IQGAP2: variants seen among roughly 807,000 people sequenced by gnomAD.
IQGAP2 encodes the protein ras GTPase-activating-like protein IQGAP2.
Under a neutral mutation model 201.3 loss-of-function variants are expected in IQGAP2, and 173 were observed. The ratio of observed to expected loss-of-function variants is 0.86; its 90% CI spans 0.76 to 0.98. The LOEUF is 0.98. IQGAP2 is among the 50% of genes least tolerant of loss of function. The pLI is 0.00. For synonymous variants in IQGAP2, 675 were observed against 673.9 expected, an observed-to-expected ratio of 1.00 and a Z score of -0.03; for missense variants, 1,687 against 1,864.8, an observed-to-expected ratio of 0.90 and a Z score of 1.76.
chr5:76,471,364 CAAAAAAA>C (rs59781605), intron 2 of IQGAP2, among the ~76,000 whole-genome samples: 1 of 72,534 alleles, frequency 1.4e-5, no homozygotes, highest in East Asian at 3.6e-4. Flanking sequence ...ATAAACTAAG[CAAAAAAA>C]AAAAAAAAAA....
chr5:76,594,976 TA>T (rs769560018), intron 9 of IQGAP2, among the ~76,000 whole-genome samples: 18 of 149,186 alleles, frequency 1.2e-4, no homozygotes, highest in Middle Eastern at 3.2e-3. Flanking sequence ...AAAAAAAATT[TA>T]AAAAAAAAAA....
intron 10 of IQGAP2, among the ~76,000 whole-genome samples, chr5:76,599,573 G>T (rs968828649): frequency 1.3e-5 from 2 of 151,978 alleles, no homozygotes; most frequent in African/African-American, 4.8e-5. Flanking sequence ...TGTTAAACTT[G>T]TATTTAATGT....
At chr5:76,559,879 A>G (rs918354922) in intron 2 of IQGAP2, among the ~76,000 whole-genome samples, 44 of 152,042 alleles carry the variant, frequency 2.9e-4, no homozygotes, top group Non-Finnish European at 2.9e-5. Context: ...TGTATCCTCC[A>G]ATGGGAACGC....
intron 14 of IQGAP2, chr5:76,628,677 C>T (rs1315046524): frequency 4.4e-6 from 2 of 455,948 alleles, no homozygotes; most frequent in African/African-American, 2.0e-5. Flanking sequence ...CTTTGTCTTA[C>T]TCCACAGATG....
chr5:76,484,322 A>G (rs1266888702), intron 2 of IQGAP2, among the ~76,000 whole-genome samples: 1 of 152,010 alleles, frequency 6.6e-6, no homozygotes. Flanking sequence ...TCCAGCTGCC[A>G]TTGCAGATGT....
intron 2 of IQGAP2, among the ~76,000 whole-genome samples, chr5:76,473,256 T>A (rs2150137105): frequency 6.6e-6 from 1 of 152,274 alleles, no homozygotes; most frequent in African/African-American, 2.4e-5. Flanking sequence ...TCTTGATCAA[T>A]AAATTCTCAC....
intron 14 of IQGAP2, 65 bp from the exon 15 acceptor site, chr5:76,631,794 A>G (rs1750727764): frequency 1.6e-5 from 19 of 1,221,986 alleles, no homozygotes; most frequent in Non-Finnish European, 2.0e-5. Flanking sequence ...TGAATTATAT[A>G]TTTGCATGCC....
At chr5:76,501,945 T>C (rs1757306226) in intron 2 of IQGAP2, among the ~76,000 whole-genome samples, 1 of 152,124 alleles carries the variant, frequency 6.6e-6, no homozygotes, top group African/African-American at 2.4e-5. Flanking sequence ...TCCTGGCCCC[T>C]GCTGCATTTT....
intron 2 of IQGAP2, among the ~76,000 whole-genome samples, chr5:76,548,878 G>A (rs1743260295): frequency 6.6e-6 from 1 of 152,200 alleles, no homozygotes. Flanking sequence ...CCATTTAAGA[G>A]TGTATCTAGT....
intron 30 of IQGAP2, among the ~76,000 whole-genome samples, chr5:76,684,425 G>C (rs1324775885): frequency 6.6e-6 from 1 of 152,126 alleles, no homozygotes; most frequent in Admixed American, 6.6e-5. Context: ...TGCCGCTAAA[G>C]ATTTCAAGTG....
chr5:76,576,156 T>G (rs1271805410), intron 5 of IQGAP2, among the ~76,000 whole-genome samples: 1 of 152,160 alleles, frequency 6.6e-6, no homozygotes, highest in African/African-American at 2.4e-5. Context: ...GTCATAATTT[T>G]GGTTTAATGA....
intron 21 of IQGAP2, among the ~76,000 whole-genome samples, chr5:76,663,302 C>T (rs1743431945): frequency 6.6e-6 from 1 of 152,226 alleles, no homozygotes; most frequent in Admixed American, 6.5e-5. Context: ...TCTAAGGACA[C>T]TGGGCCAGCA....
chr5:76,620,914 A>T (rs1377539072), intron 13 of IQGAP2, among the ~76,000 whole-genome samples: 1 of 152,240 alleles, frequency 6.6e-6, no homozygotes, highest in African/African-American at 2.4e-5. Flanking sequence ...CTGCAATTTC[A>T]AAAACAAAAT....
At chr5:76,595,513 C>T (rs542818228) in intron 9 of IQGAP2, among the ~76,000 whole-genome samples, 2 of 151,910 alleles carry the variant, frequency 1.3e-5, no homozygotes, top group African/African-American at 4.8e-5. Context: ...TAATCTAGCA[C>T]TTTGGGAGGC....
chr5:76,472,271 TTGG>T (rs1755155168), intron 2 of IQGAP2, among the ~76,000 whole-genome samples: 1 of 151,786 alleles, frequency 6.6e-6, no homozygotes, highest in Non-Finnish European at 1.5e-5. Flanking sequence ...CTTGGCAGAG[TTGG>T]AGAGGTGGTC....
intron 12 of IQGAP2, chr5:76,608,191 C>G (rs1291383312): frequency 1.3e-5 from 2 of 152,180 alleles, no homozygotes; most frequent in Admixed American, 6.5e-5. Flanking sequence ...TGGCTTTTAT[C>G]TATCAAGGTA....
chr5:76,558,976 C>T (rs1020466414), intron 2 of IQGAP2, among the ~76,000 whole-genome samples: 1 of 152,176 alleles, frequency 6.6e-6, no homozygotes, highest in Non-Finnish European at 1.5e-5. Flanking sequence ...TCTCGGCTCA[C>T]TGCAAGCTCC....
chr5:76,660,284 T>C (rs2150451168), intron 21 of IQGAP2: 1 of 152,328 alleles, frequency 6.6e-6, no homozygotes, highest in East Asian at 1.9e-4. Context: ...GAAATAATCA[T>C]CTCTTCTAAA....
chr5:76,542,428 C>T (rs1287911423), intron 2 of IQGAP2, among the ~76,000 whole-genome samples: 1 of 152,246 alleles, frequency 6.6e-6, no homozygotes, highest in African/African-American at 2.4e-5. Flanking sequence ...CAGCCAGCTT[C>T]GTTCCTTACC....
Sources: allele counts gnomAD v4.1 joint callset (sites outside exome capture counted in the v4.1 genomes callset), GRCh38; gene constraint gnomAD v4.1.1; transcripts MANE v1.5; gene names NCBI Gene and HGNC (gene_info 2026-07-23, HGNC 2026-07-21).